The following APOLD1 variants were observed in gnomAD, a reference collection of about 807,000 sequenced individuals.
APOLD1 encodes apolipoprotein L domain-containing protein 1.
A neutral mutation model predicts 15.3 loss-of-function variants in APOLD1; 22 were observed. The ratio of observed to expected loss-of-function variants is 1.44; its 90% CI spans 1.03 to 2.05. The LOEUF is 2.05. Ranked by LOEUF, APOLD1 falls within the 30% of genes most tolerant of loss-of-function variation. APOLD1 has a pLI of 0.00. For synonymous variants in APOLD1, 190 were observed against 167.4 expected (o/e 1.13, Z -1.04); for missense variants, 394 against 353.5 (o/e 1.11, Z -0.92).
At chr12:12,729,172 C>T (rs535973860) in intron 1 of APOLD1, among the ~76,000 whole-genome samples, 113 of 151,594 alleles carry the variant, frequency 7.5e-4, no homozygotes, top group Non-Finnish European at 1.4e-3. Context: ...TTTTGCTTGC[C>T]ATTTTCCCCA....
chr12:12,744,307 TA>T (rs35191312), intron 1 of APOLD1, among the ~76,000 whole-genome samples: 44,091 of 130,994 alleles, frequency 0.34, 7,289 homozygotes, highest in African/African-American at 0.46. Context: ...AGACCCTGCT[TA>T]AAAAAAAAAA....
At chr12:12,776,014 A>AAAC (rs1947030531) in intron 1 of APOLD1, among the ~76,000 whole-genome samples, 1 of 150,680 alleles carries the variant, frequency 6.6e-6, no homozygotes, top group Non-Finnish European at 1.5e-5. Flanking sequence ...AAAAAAAAAA[A>AAAC]AAAAAAAAAA....
intron 1 of APOLD1, among the ~76,000 whole-genome samples, chr12:12,741,384 T>C (rs1946728593): frequency 2.0e-5 from 3 of 152,056 alleles, no homozygotes. Context: ...TTTAGAACAT[T>C]TTTCTTTTTT....
chr12:12,729,115 G>A (rs561736720), intron 1 of APOLD1, among the ~76,000 whole-genome samples: 3 of 152,032 alleles, frequency 2.0e-5, no homozygotes, highest in East Asian at 1.9e-4. Context: ...TCCACATCTC[G>A]ATGGGTCCCT....
chr12:12,757,881 G>A (rs1946867658), intron 1 of APOLD1, among the ~76,000 whole-genome samples: 1 of 151,162 alleles, frequency 6.6e-6, no homozygotes, highest in Non-Finnish European at 1.5e-5. Context: ...AGGGGGAACT[G>A]CTGTAACTGG....
chr12:12,787,793 A>G lies in APOLD1; in HGVS notation c.*141A>G, dbSNP rs1947146075. On this transcript the variant is annotated 3_prime_UTR_variant, in exon 2 of 2. Coordinates refer to ENST00000356591, the MANE Select transcript of APOLD1 (RefSeq NM_030817.3). The surrounding 1 kb of genome is among the most constrained non-coding windows in gnomAD (Gnocchi z 4.9). ...GAGAAAAACTGTTTTTGAAGTGGGCAGGTCCCCAAAGCCCTTCTTTTCCCA... is the reference window on the plus strand; with the variant it reads ...GAGAAAAACTGTTTTTGAAGTGGGCGGGTCCCCAAAGCCCTTCTTTTCCCA... The G allele has an allele frequency of 8.2e-7, 1 of 1,213,414 alleles. No homozygotes were observed. The highest frequency in any genetic ancestry group is 1.1e-6 in the Non-Finnish European group (1 of 890,192). The allele number at this position is 1,213,414 out of a possible 1,614,324, so 75.2% of individuals were successfully genotyped here. A position where few individuals can be genotyped will look rare whatever the true frequency, so the allele number is the denominator to read the frequency against.
chr12:12,732,919 G>A (rs968205994), intron 1 of APOLD1, among the ~76,000 whole-genome samples: 10 of 152,014 alleles, frequency 6.6e-5, no homozygotes, highest in African/African-American at 1.7e-4. Context: ...TAGATGTAGG[G>A]TTACAGAATT....
At chr12:12,785,500 C>T (rs1947116687), upstream of APOLD1, 2 of 800,496 alleles carry the variant, frequency 2.5e-6, no homozygotes, top group African/African-American at 1.7e-5. Context: ...ACGGGATGTG[C>T]TGTGCTGGCA....
At chr12:12,786,871 G>T in intron 1 of APOLD1, 38 bp from the exon 2 acceptor site, 1 of 1,382,092 alleles carries the variant, frequency 7.2e-7, no homozygotes, top group Non-Finnish European at 9.3e-7. Context: ...CGGCTGGCAC[G>T]GAGACTCCAG....
At chr12:12,786,124 A>C (rs1947121945) in intron 1 of APOLD1, among the ~76,000 whole-genome samples, 1 of 152,186 alleles carries the variant, frequency 6.6e-6, no homozygotes, top group African/African-American at 2.4e-5. Flanking sequence ...TTGAACAAAA[A>C]TTTTGGCCAC....
intron 1 of APOLD1, among the ~76,000 whole-genome samples, chr12:12,731,558 A>G (rs114186230): frequency 5.2e-4 from 79 of 152,362 alleles, no homozygotes; most frequent in African/African-American, 1.8e-3. Flanking sequence ...TCCCCAATAA[A>G]TAAAGAGTTT....
At chr12:12,761,862 G>GAGAGAGAC (rs1946903390) in intron 1 of APOLD1, among the ~76,000 whole-genome samples, 1 of 146,598 alleles carries the variant, frequency 6.8e-6, no homozygotes, top group African/African-American at 2.6e-5. Context: ...GAGAGAGAGA[G>GAGAGAGAC]TCTTGCTCTG....
chr12:12,786,813 A>T, intron 1 of APOLD1, 96 bp from the exon 2 acceptor site: 1 of 1,316,242 alleles, frequency 7.6e-7, no homozygotes, highest in Non-Finnish European at 9.6e-7. Flanking sequence ...TGCTCCGCTG[A>T]ACTCGTGCCA....
intron 1 of APOLD1, among the ~76,000 whole-genome samples, chr12:12,758,201 G>C (rs1316775928): frequency 6.6e-6 from 1 of 150,708 alleles, no homozygotes; most frequent in African/African-American, 2.4e-5. Context: ...CTCCCAAAGT[G>C]CTGGGATTAC....
At chr12:12,767,861 C>T (rs1373137852) in intron 1 of APOLD1, among the ~76,000 whole-genome samples, 2 of 151,348 alleles carry the variant, frequency 1.3e-5, no homozygotes, top group African/African-American at 4.9e-5. Flanking sequence ...TCTCGGCTCA[C>T]TGAAACCTCC....
At chr12:12,727,372 T>C (rs1297158752) in intron 1 of APOLD1, among the ~76,000 whole-genome samples, 2 of 152,208 alleles carry the variant, frequency 1.3e-5, no homozygotes, top group Admixed American at 6.5e-5. Context: ...TCCATTTTAC[T>C]TTTTTAGTGG....
chr12:12,744,324 A>T (rs1222347682), intron 1 of APOLD1, among the ~76,000 whole-genome samples: 2 of 139,248 alleles, frequency 1.4e-5, no homozygotes, highest in Non-Finnish European at 3.1e-5. Context: ...AAAAAAAAAA[A>T]ATGGCTGGCT....
chr12:12,746,218 G>A (rs751386243), intron 1 of APOLD1, among the ~76,000 whole-genome samples: 2 of 152,186 alleles, frequency 1.3e-5, no homozygotes, highest in African/African-American at 2.4e-5. Context: ...GTTCCAGGCC[G>A]GGTGCAGTGG....
At chr12:12,735,750 T>G (rs1227387623) in intron 1 of APOLD1, among the ~76,000 whole-genome samples, 2 of 150,550 alleles carry the variant, frequency 1.3e-5, no homozygotes, top group African/African-American at 5.0e-5. Context: ...AAGACCTGCC[T>G]GGACAATGTG....
Sources: allele counts gnomAD v4.1 joint callset (sites outside exome capture counted in the v4.1 genomes callset), GRCh38; gene constraint gnomAD v4.1.1; non-coding constraint Gnocchi (gnomAD v3.1); transcripts MANE v1.5; gene names NCBI Gene and HGNC (gene_info 2026-07-23, HGNC 2026-07-21).